The following PAK5 variants were observed in gnomAD, a reference collection of about 807,000 sequenced individuals.
PAK5 encodes the protein p21 (RAC1) activated kinase 5.
PAK5 carries 16 observed loss-of-function variants against 65.9 expected under a neutral mutation model. The ratio of observed to expected loss-of-function variants is 0.24; its 90% CI spans 0.16 to 0.37. The LOEUF (loss-of-function observed/expected upper bound fraction) is 0.37, where lower values mean the gene tolerates loss of function less well. Ranked by LOEUF, PAK5 falls within the 10% of genes least tolerant of loss-of-function variation. PAK5 has a pLI of 1.00. For synonymous variants in PAK5, 371 were observed against 354.9 expected (o/e 1.05, Z -0.51); for missense variants, 785 against 903.9 (o/e 0.87, Z 1.69).
At chr20:9,667,964 G>T (rs1360631317) in intron 2 of PAK5, among the ~76,000 whole-genome samples, 1 of 151,966 alleles carries the variant, frequency 6.6e-6, no homozygotes, top group African/African-American at 2.4e-5. Context: ...TTGAATATAT[G>T]GTTAATAATT....
At chr20:9,640,538 T>C (rs1268940674) in intron 3 of PAK5, among the ~76,000 whole-genome samples, 4 of 152,186 alleles carry the variant, frequency 2.6e-5, no homozygotes, top group African/African-American at 9.6e-5. Flanking sequence ...GCTTGTGTGT[T>C]TATAGCAGCA....
intron 1 of PAK5, among the ~76,000 whole-genome samples, chr20:9,792,768 G>T (rs1217919260): frequency 6.6e-6 from 1 of 152,132 alleles, no homozygotes; most frequent in African/African-American, 2.4e-5. Context: ...TCCAGCAGCA[G>T]AAAGCAAGAC....
chr20:9,740,979 G>A (rs1299612552), intron 1 of PAK5, among the ~76,000 whole-genome samples: 1 of 152,188 alleles, frequency 6.6e-6, no homozygotes, highest in Non-Finnish European at 1.5e-5. Context: ...CCAACACAAA[G>A]TCTTGGGCTG....
intron 1 of PAK5, among the ~76,000 whole-genome samples, chr20:9,782,419 T>C (rs1179841059): frequency 6.6e-6 from 1 of 152,216 alleles, no homozygotes; most frequent in Non-Finnish European, 1.5e-5. Flanking sequence ...CAATAAGCCA[T>C]CAACTGTGAG....
intron 6 of PAK5, among the ~76,000 whole-genome samples, chr20:9,559,927 C>T (rs2045567212): frequency 6.6e-6 from 1 of 152,204 alleles, no homozygotes; most frequent in Non-Finnish European, 1.5e-5. Flanking sequence ...ACCATTTTCA[C>T]ATGTGGAAAA....
intron 1 of PAK5, among the ~76,000 whole-genome samples, chr20:9,769,092 AAC>A (rs1417108016): frequency 6.6e-6 from 1 of 152,216 alleles, no homozygotes; most frequent in African/African-American, 2.4e-5. Context: ...ACACAGTGAG[AAC>A]ACAGAGTTCT....
intron 3 of PAK5, among the ~76,000 whole-genome samples, chr20:9,642,075 A>G (rs1160933803): frequency 1.3e-5 from 2 of 152,282 alleles, no homozygotes; most frequent in Non-Finnish European, 2.9e-5. Flanking sequence ...CTCAAATGCC[A>G]CCAAAGTGGG....
intron 1 of PAK5, among the ~76,000 whole-genome samples, chr20:9,766,377 A>ACTT (rs1263546319): frequency 1.1e-4 from 7 of 66,306 alleles, no homozygotes; most frequent in African/African-American, 4.7e-4. Context: ...ATATTCAAGC[A>ACTT]GAATATATAT....
intron 1 of PAK5, among the ~76,000 whole-genome samples, chr20:9,761,779 G>A (rs904923516): frequency 6.6e-6 from 1 of 151,980 alleles, no homozygotes; most frequent in African/African-American, 2.4e-5. Context: ...TACATCTCTT[G>A]TAACATGTTG....
intron 7 of PAK5, among the ~76,000 whole-genome samples, chr20:9,550,652 A>G (rs1426473754): frequency 1.3e-5 from 2 of 152,134 alleles, no homozygotes; most frequent in African/African-American, 4.8e-5. Flanking sequence ...TAAAATAGAT[A>G]TTTTTAAAAA....
intron 3 of PAK5, among the ~76,000 whole-genome samples, chr20:9,608,804 G>A (rs1389813615): frequency 6.6e-6 from 1 of 152,184 alleles, no homozygotes; most frequent in African/African-American, 2.4e-5. Flanking sequence ...CTTCTACTGT[G>A]TTCTATTATC....
chr20:9,696,270 T>C (rs2047868283), intron 2 of PAK5, among the ~76,000 whole-genome samples: 1 of 152,108 alleles, frequency 6.6e-6, no homozygotes, highest in African/African-American at 2.4e-5. Context: ...TCAGCATAGG[T>C]ATCACTGGGG....
At chr20:9,762,050 T>A (rs1421747119) in intron 1 of PAK5, among the ~76,000 whole-genome samples, 1 of 152,128 alleles carries the variant, frequency 6.6e-6, no homozygotes, top group African/African-American at 2.4e-5. Flanking sequence ...ATGGGAAAAC[T>A]GAATATTCAC....
At chr20:9,728,260 TTTGATC>T (rs1372769154) in intron 1 of PAK5, among the ~76,000 whole-genome samples, 1 of 152,010 alleles carries the variant, frequency 6.6e-6, no homozygotes, top group Non-Finnish European at 1.5e-5. Flanking sequence ...CTGGTGGTGC[TTTGATC>T]TTGGATTTCC....
At chr20:9,664,924 T>C (rs765929687) in intron 2 of PAK5, among the ~76,000 whole-genome samples, 4 of 152,020 alleles carry the variant, frequency 2.6e-5, no homozygotes, top group Non-Finnish European at 4.4e-5. Flanking sequence ...CTACAACTTG[T>C]GAGTCTTTTT....
At chr20:9,829,591 C>T (rs540875391) in intron 1 of PAK5, among the ~76,000 whole-genome samples, 2 of 152,198 alleles carry the variant, frequency 1.3e-5, no homozygotes, top group South Asian at 2.1e-4. Flanking sequence ...TCTACATTGC[C>T]GTTGCATGAT....
In PAK5 at chr20:9,586,414, A is replaced by G. The variant is rs559754131; in HGVS notation, c.205-5484T>C. On this transcript the variant is annotated intron_variant, in intron 3 of 9. Coordinates refer to ENST00000353224, the MANE Select transcript of PAK5 (RefSeq NM_177990.4). ...TGGGTAGACTTTAAACTAACACTTC[A>G]TTTTTGAGAAATACTGAAATAATAA... Among the ~76,000 whole-genome samples the G allele has an allele frequency of 2.0e-5, 3 of 152,276 alleles. No homozygotes were observed. The South Asian group carries it at 6.2e-4, about 32-fold the overall frequency.
At chr20:9,578,978 C>CT (rs758375707) in intron 4 of PAK5, among the ~76,000 whole-genome samples, 26 of 152,140 alleles carry the variant, frequency 1.7e-4, no homozygotes, top group Non-Finnish European at 2.6e-4. Context: ...AAGGTGACAG[C>CT]TTTTTTGTTT....
intron 1 of PAK5, among the ~76,000 whole-genome samples, chr20:9,744,276 C>T (rs189008126): frequency 1.3e-5 from 2 of 152,208 alleles, no homozygotes; most frequent in Non-Finnish European, 2.9e-5. Flanking sequence ...TAATACAGAG[C>T]CTAAAGATTA....
Sources: gnomAD v4.1 joint callset for allele counts (sites outside exome capture counted in the v4.1 genomes callset) on GRCh38, gnomAD v4.1.1 for gene constraint, MANE v1.5 for transcripts, NCBI Gene and HGNC (gene_info 2026-07-23, HGNC 2026-07-21) for gene names.